NEU4: variants seen among roughly 807,000 people sequenced by gnomAD.
The protein encoded by NEU4 is sialidase-4.
NEU4 carries 7 observed loss-of-function variants against 9.9 expected under a neutral mutation model. That is an observed-to-expected ratio of 0.71 (90% CI 0.40 to 1.33). The LOEUF is 1.33. Ranked by LOEUF, NEU4 falls within the 40% of genes most tolerant of loss-of-function variation. The pLI, the probability that NEU4 is intolerant of heterozygous loss-of-function variation, is 0.01. For missense variants in NEU4, 717 were observed against 712.6 expected (o/e 1.01, Z -0.07); for synonymous variants, 348 against 316.9 (o/e 1.10, Z -1.04).
intron 1 of NEU4, among the ~76,000 whole-genome samples, chr2:241,812,575 G>GGA (rs1700164402): frequency 1.9e-4 from 11 of 57,242 alleles, no homozygotes; most frequent in African/African-American, 3.1e-4. Context: ...GCCACACTGA[G>GGA]CACGGCTGGT....
At chr2:241,809,653 C>G (rs918645269) in intron 1 of NEU4, 11 of 220,992 alleles carry the variant, frequency 5.0e-5, no homozygotes, top group Admixed American at 5.3e-5. Context: ...GGACCCGTGG[C>G]TGTCATATAC....
rs1252037174 is a variant in NEU4 at position 241,814,241 on chromosome 2, G to C, written c.-3-241G>C. ...CCCAGAGCCGTGTTGAGAGGGGAAG[G>C]GGCTGATTCCACAGACATTTGGGGT... On this transcript the variant is annotated intron_variant, in intron 1 of 3. Transcript: ENST00000407683. 6.3e-6 allele frequency: 4 copies of C among 635,908 alleles called. No individual in the cohort carries two copies. In the Admixed American group the frequency reaches 7.6e-5, roughly 12 times the overall value. 39.4% of individuals were successfully genotyped at this position (635,908 alleles called of 1,614,324 possible). A position where few individuals can be genotyped will look rare whatever the true frequency, so the allele number is the denominator to read the frequency against.
chr2:241,812,495 CGG>C (rs1700158922), intron 1 of NEU4, among the ~76,000 whole-genome samples: 1 of 147,758 alleles, frequency 6.8e-6, no homozygotes, highest in African/African-American at 2.5e-5. Context: ...GCCGAGGACA[CGG>C]AGGCTCTGTG....
At position 241,814,559 on chromosome 2, in the gene NEU4, C is replaced by G. The variant is rs1000825328; in HGVS notation, c.75C>G (p.Pro25=). 3 of 1,612,522 alleles carry G rather than the reference C, an allele frequency of 1.9e-6. No individual in the cohort carries two copies. In the Admixed American group the frequency reaches 5.0e-5, roughly 27 times the overall value. The change falls in exon 2 of 4, where the codon CCC becomes CCG. Residue 25 remains proline, a synonymous_variant. Coordinates refer to ENST00000407683, the MANE Select transcript of NEU4 (RefSeq NM_001167600.3). ...RERTGLTYRV[P]SLLPVPPGPT... is the part of the protein sequence containing the mutation. ...GGACGGGCCTGACCTACCGCGTGCC[C>G]TCGCTGCTCCCCGTGCCCCCCGGGC...
chr2:241,816,145 A>C lies in NEU4; in HGVS notation c.552A>C (p.Arg184=), dbSNP rs570315833. The C allele has an allele frequency of 1.2e-5, 19 of 1,612,414 alleles. No homozygotes were observed. In the South Asian group the frequency reaches 2.0e-4, roughly 17 times the overall value. ...VPAYTYRVDR[R]ECFGKICRTS... ...CCTACACCTACCGCGTGGACCGCCG[A>C]GAGTGTTTTGGCAAGATCTGCCGGA... The change falls in exon 4 of 4, where the codon CGA becomes CGC. Residue 184 remains arginine, a synonymous_variant. Coordinates refer to ENST00000407683, the MANE Select transcript of NEU4 (RefSeq NM_001167600.3).
At position 241,817,253 on chromosome 2, in the gene NEU4, AGGGTGGGGGCACGAAGTGGGCCCT is replaced by A. The variant is rs1409333099; in HGVS notation, c.*211_*234del. On this transcript the variant is annotated 3_prime_UTR_variant, in exon 4 of 4. Coordinates refer to ENST00000407683, the MANE Select transcript of NEU4 (RefSeq NM_001167600.3). The stretch of plus-strand genomic sequence containing the variant: ...GGAGTGAGCAGGGCAGGGTGGGGGC[AGGGTGGGGGCACGAAGTGGGCCCT>A]GGGTGACCCCCACAGCTCCCTTCCG... The A allele has an allele frequency of 2.0e-5, 5 of 246,464 alleles. 1 individual carries two copies. Among genetic ancestry groups the A allele is most frequent in the Non-Finnish European group, 3.9e-5 (5 of 129,256 alleles). The allele number at this position is 246,464 out of a possible 1,614,324, so 15.3% of individuals were successfully genotyped here.
At chr2:241,811,381 G>C (rs149063560) in intron 1 of NEU4, 12 of 1,495,502 alleles carry the variant, frequency 8.0e-6, no homozygotes, top group Middle Eastern at 1.8e-4. Context: ...CCTGCTGCCC[G>C]CACAGTGGGC....
intron 3 of NEU4, chr2:241,815,418 C>CTATGG (rs1700291638): frequency 1.7e-6 from 1 of 597,412 alleles, no homozygotes; most frequent in African/African-American, 1.9e-5. Context: ...CCAGGACCGT[C>CTATGG]CTGCACCTCC....
chr2:241,815,540 G>A (rs1700297378), intron 3 of NEU4: 2 of 505,864 alleles, frequency 4.0e-6, no homozygotes, highest in African/African-American at 1.9e-5. Flanking sequence ...TTTATCTGCA[G>A]AGGAGAAGGC....
At position 241,814,419 on chromosome 2, in the gene NEU4, G is replaced by C. The variant is rs577888635; in HGVS notation, c.-3-63G>C. 2.0e-6 allele frequency: 3 copies of C among 1,512,206 alleles called. No homozygotes were observed. In the East Asian group the frequency reaches 6.8e-5, roughly 34 times the overall value. The allele number at this position is 1,512,206 out of a possible 1,614,324, so 93.7% of individuals were successfully genotyped here. ...CTGAGCGCATTCCCCAGTCCAGACC[G>C]GGAGCGAGTGTGGGGCTCCCTGGGC... On this transcript the variant is annotated intron_variant, in intron 1 of 3. Coordinates refer to ENST00000407683, the MANE Select transcript of NEU4 (RefSeq NM_001167600.3).
rs76182246 is a variant in NEU4 at position 241,812,307 on chromosome 2, T to G, written c.-3-2175T>G. Among the ~76,000 whole-genome samples the G allele has an allele frequency of 0.044, 6,658 of 151,904 alleles. 920 individuals are homozygous for G. The East Asian group carries it at 0.47, about 11-fold the overall frequency. On this transcript the variant is annotated intron_variant, in intron 1 of 3. Coordinates refer to ENST00000407683, the MANE Select transcript of NEU4 (RefSeq NM_001167600.3). ...AGGCCAGGTTCTCCTGGAGGTCCCA[T>G]CTCCCCTGGGCCTCGGTTTCCCCTT...
At chr2:241,811,286 C>T in intron 1 of NEU4, 1 of 1,290,354 alleles carries the variant, frequency 7.7e-7, no homozygotes, top group Non-Finnish European at 9.9e-7. Context: ...GCACCCCTGG[C>T]CCTGCTCTGG....
rs749390036 is a variant in NEU4 at position 241,811,506 on chromosome 2, C to T, written c.-4+2232C>T. 8 of 1,452,070 alleles carry T rather than the reference C, an allele frequency of 5.5e-6. No homozygotes were observed. The East Asian group carries it at 1.3e-4, about 24-fold the overall frequency. 89.9% of individuals were successfully genotyped at this position (1,452,070 alleles called of 1,614,324 possible). ...ACCCCCAGCACCCTCACCCCTCTAC[C>T]CGGGCGCCCGGGGTCAGGACCCGCT... On this transcript the variant is annotated intron_variant, in intron 1 of 3. Transcript: ENST00000407683.
At chr2:241,813,719 T>TGGGGCCAGCTGCCTGC (rs1559427807) in intron 1 of NEU4, 1 of 392,050 alleles carries the variant, frequency 2.6e-6, no homozygotes, top group South Asian at 1.9e-5. Flanking sequence ...GAGGGCACTG[T>TGGGGCCAGCTGCCTGC]GGGGCCAGCT....
intron 3 of NEU4, 153 bp downstream of exon 3, chr2:241,815,300 C>T (rs368468572): frequency 1.0e-5 from 11 of 1,083,120 alleles, no homozygotes; most frequent in Middle Eastern, 4.7e-4. Context: ...CTGCGCCTCC[C>T]GTCCCAGGCA....
In NEU4 at chr2:241,817,038, G is replaced by T. The variant is rs773119977; in HGVS notation, c.1445G>T (p.Trp482Leu). Residue 482 changes from tryptophan (W) to leucine (L), a missense_variant, in exon 4 of 4, where the codon TGG becomes TTG. By Grantham distance (61) the Trp-to-Leu change is moderately conservative. Transcript: ENST00000407683. Reference sequence around the variant, plus strand: ...GGGGACAAGCCTCGGGGGTGCTGCTGGCCCTCCTGACAGGCCTTCTGGCCG... The same window carrying T: ...GGGGACAAGCCTCGGGGGTGCTGCTTGCCCTCCTGACAGGCCTTCTGGCCG... ...NLGDKPRGCCWPS is the reference protein window; with the variant it reads ...NLGDKPRGCCLPS 1.1e-5 allele frequency: 18 copies of T among 1,589,520 alleles called. No individual in the cohort carries two copies. In the Admixed American group the frequency reaches 3.1e-4, roughly 27 times the overall value.
chr2:241,811,364 T>C, intron 1 of NEU4: 2 of 1,469,944 alleles, frequency 1.4e-6, no homozygotes, highest in East Asian at 2.6e-5. Flanking sequence ...CGTGGCCAGC[T>C]CCCTGGCCTG....
At chr2:241,809,621 G>T (rs564728974) in intron 1 of NEU4, 228 of 261,754 alleles carry the variant, frequency 8.7e-4, no homozygotes, top group African/African-American at 4.6e-3. Context: ...GTGGGCCATG[G>T]GGTGACAGTT....
chr2:241,811,167 TTGGAGGGCG>T, intron 1 of NEU4: 1 of 1,225,982 alleles, frequency 8.2e-7, no homozygotes. Context: ...ACAGCCCTTG[TTGGAGGGCG>T]CACCCCCGTG....
Sources: allele counts gnomAD v4.1 joint callset (sites outside exome capture counted in the v4.1 genomes callset), GRCh38; gene constraint gnomAD v4.1.1; transcripts MANE v1.5; gene names NCBI Gene and HGNC (gene_info 2026-07-23, HGNC 2026-07-21).